The following RANBP17 variants were observed in gnomAD, a reference collection of about 807,000 sequenced individuals.
The protein encoded by RANBP17 is RAN binding protein 17, also known as ran-binding protein 17.
Under a neutral mutation model 141.2 loss-of-function variants are expected in RANBP17, and 158 were observed. The ratio of observed to expected loss-of-function variants is 1.12; its 90% CI spans 0.98 to 1.28. RANBP17 has a LOEUF of 1.28. Among genes scored for constraint, RANBP17 ranks in the 50% most tolerant of loss-of-function variants. The pLI, the probability that RANBP17 is intolerant of heterozygous loss-of-function variation, is 0.00. For synonymous variants in RANBP17, 430 were observed against 450.0 expected (o/e 0.96, Z 0.56); for missense variants, 1,438 against 1,290.7 (o/e 1.11, Z -1.75).
In RANBP17 at chr5:171,205,787, A is replaced by G. The variant is rs1226544809; in HGVS notation, c.2231+175A>G. The G allele has an allele frequency of 5.7e-6, 4 of 698,894 alleles. No individual in the cohort carries two copies. The Admixed American group carries it at 8.0e-5, about 14-fold the overall frequency. The allele number at this position is 698,894 out of a possible 1,614,324, so 43.3% of individuals were successfully genotyped here. On this transcript the variant is annotated intron_variant, in intron 20 of 27. Coordinates refer to ENST00000523189, the MANE Select transcript of RANBP17 (RefSeq NM_022897.5). ...AGCAGAGCAGATAACTGAGCACAGT[A>G]TTTGGAGACCCAGCTCAGAGAAGTC...
In RANBP17 at chr5:170,892,422, A is replaced by T. The variant is rs753607706; in HGVS notation, c.292A>T (p.Lys98Ter). 6.2e-7 allele frequency: 1 copy of T among 1,612,814 alleles called. No homozygotes were observed. The highest frequency in any genetic ancestry group is 8.5e-7 in the Non-Finnish European group (1 of 1,179,710). ...YILNYVASQPKLAPFVIQALI... is the reference protein window; with the variant it reads ...YILNYVASQP ...TCTGAATTACGTGGCATCACAGCCC[A>T]AGCTGGCTCCCTTTGTCATCCAAGC... The change falls in exon 4 of 28, where the codon AAG becomes TAG. Residue 98 changes from lysine to a stop codon, truncating the protein, a stop_gained. Coordinates refer to ENST00000523189, the MANE Select transcript of RANBP17 (RefSeq NM_022897.5). LOFTEE classifies it high-confidence loss of function.
rs542639173 is a variant in RANBP17, at chr5:171,225,262, CAAAACTT to C, written c.2422+3426_2422+3432del. Among the ~76,000 whole-genome samples, 57 of 152,254 alleles carry C rather than the reference CAAAACTT, an allele frequency of 3.7e-4. No homozygotes were observed. In the East Asian group the frequency reaches 9.8e-3, roughly 26 times the overall value. ...CTTTAAAGTATGGTGATTTCTATCTCAAAACTTAAAGGAAATCAAAGTTTCAATGAAA... is the reference window on the plus strand; with the variant it reads ...CTTTAAAGTATGGTGATTTCTATCTCAAAGGAAATCAAAGTTTCAATGAAA... On this transcript the variant is annotated intron_variant, in intron 22 of 27. Coordinates refer to ENST00000523189, the MANE Select transcript of RANBP17 (RefSeq NM_022897.5).
chr5:171,251,004 A>G (rs1271631304), intron 24 of RANBP17, among the ~76,000 whole-genome samples: 1 of 152,238 alleles, frequency 6.6e-6, no homozygotes, highest in Non-Finnish European at 1.5e-5. Context: ...TACAGAATCT[A>G]CTCAACTACA....
At chr5:170,903,840 A>G (rs1770859029) in intron 5 of RANBP17, 5 of 440,726 alleles carry the variant, frequency 1.1e-5, no homozygotes. Flanking sequence ...AAATTTGCTC[A>G]ACCTAACAAG....
chr5:171,012,101 AATACATT>A (rs1780097204), intron 14 of RANBP17, among the ~76,000 whole-genome samples: 2 of 151,694 alleles, frequency 1.3e-5, no homozygotes, highest in South Asian at 4.2e-4. Flanking sequence ...TTAAACAAAT[AATACATT>A]TGTTTAAACA....
intron 25 of RANBP17, among the ~76,000 whole-genome samples, chr5:171,266,556 G>A (rs567212102): frequency 6.6e-6 from 1 of 152,250 alleles, no homozygotes; most frequent in South Asian, 2.1e-4. Flanking sequence ...GCAGAGGCAG[G>A]AGGATTGCTT....
Position 171,133,999 on chromosome 5 carries a change from A to C in RANBP17, c.1711-36131A>C, listed in dbSNP as rs187446684. Among the ~76,000 whole-genome samples, 271 of 152,340 alleles carry C rather than the reference A, an allele frequency of 1.8e-3. 1 individual carries two copies. The highest frequency in any genetic ancestry group is 6.4e-3 in the African/African-American group (265 of 41,584). On this transcript the variant is annotated intron_variant, in intron 14 of 27. Coordinates refer to ENST00000523189, the MANE Select transcript of RANBP17 (RefSeq NM_022897.5). ...TGGTACCATCTAAGATAAATACTTG[A>C]AACATTGATGTTAACCCTACCTCAG...
chr5:171,159,297 A>G (rs1278023168), intron 14 of RANBP17, among the ~76,000 whole-genome samples: 1 of 152,198 alleles, frequency 6.6e-6, no homozygotes, highest in African/African-American at 2.4e-5. Context: ...TGCCAATATC[A>G]TAAGTTTCAT....
intron 14 of RANBP17, among the ~76,000 whole-genome samples, chr5:171,022,423 G>A (rs1561996861): frequency 6.6e-6 from 1 of 152,228 alleles, no homozygotes; most frequent in Non-Finnish European, 1.5e-5. Flanking sequence ...CGCAAAGACT[G>A]TGGCCATCCT....
Position 171,133,373 on chromosome 5 carries a change from TA to T in RANBP17, c.1711-36751del, listed in dbSNP as rs546151828. ...GTTAATTAGCTTTTTAAAGTTTCTA[TA>T]AAAAATGCCAAATAACTTGATACAT... On this transcript the variant is annotated intron_variant, in intron 14 of 27. Transcript: ENST00000523189. Among the ~76,000 whole-genome samples the T allele has an allele frequency of 9.8e-4, 149 of 152,294 alleles. 2 individuals are homozygous for T. The South Asian group carries it at 0.014, about 14-fold the overall frequency.
At chr5:171,139,597 C>G (rs1021077208) in intron 14 of RANBP17, among the ~76,000 whole-genome samples, 3 of 152,116 alleles carry the variant, frequency 2.0e-5, no homozygotes, top group Admixed American at 6.6e-5. Context: ...TACTCTCTAC[C>G]AAGTTCTACT....
At chr5:170,880,337 A>G (rs1469544782) in intron 2 of RANBP17, among the ~76,000 whole-genome samples, 1 of 152,188 alleles carries the variant, frequency 6.6e-6, no homozygotes, top group African/African-American at 2.4e-5. Flanking sequence ...TTTCAAATTG[A>G]CTTTTGATGT....
chr5:171,260,858 A>G (rs895822013), intron 24 of RANBP17, among the ~76,000 whole-genome samples: 11 of 152,130 alleles, frequency 7.2e-5, no homozygotes, highest in African/African-American at 2.7e-4. Flanking sequence ...AAGCCTAAAC[A>G]AGGAAAGGTA....
intron 14 of RANBP17, among the ~76,000 whole-genome samples, chr5:171,063,218 T>G (rs1280678958): frequency 6.6e-6 from 1 of 152,228 alleles, no homozygotes; most frequent in Non-Finnish European, 1.5e-5. Flanking sequence ...TGCTTTCCTT[T>G]GGAGGAGGAG....
intron 18 of RANBP17, among the ~76,000 whole-genome samples, chr5:171,199,312 A>G (rs1025568106): frequency 6.6e-5 from 10 of 152,260 alleles, no homozygotes; most frequent in African/African-American, 2.4e-4. Context: ...GAAGGGGGAA[A>G]AAAAAAACAC....
intron 14 of RANBP17, among the ~76,000 whole-genome samples, chr5:171,056,104 A>C (rs1033011351): frequency 6.6e-6 from 1 of 152,146 alleles, no homozygotes; most frequent in Admixed American, 6.5e-5. Context: ...TGAAAACCAA[A>C]ACAAAGAATT....
At chr5:171,156,780 G>GA (rs893223408) in intron 14 of RANBP17, among the ~76,000 whole-genome samples, 18 of 152,056 alleles carry the variant, frequency 1.2e-4, no homozygotes, top group Non-Finnish European at 2.4e-4. Context: ...CATTTTGTGG[G>GA]AAAAAAAGTC....
At chr5:171,054,322 C>T (rs1438536457) in intron 14 of RANBP17, among the ~76,000 whole-genome samples, 1 of 152,118 alleles carries the variant, frequency 6.6e-6, no homozygotes, top group African/African-American at 2.4e-5. Context: ...TGCGATTACA[C>T]TTATAGTTAT....
At chr5:171,167,401 G>A (rs1037433209) in intron 14 of RANBP17, among the ~76,000 whole-genome samples, 13 of 152,068 alleles carry the variant, frequency 8.5e-5, no homozygotes, top group African/African-American at 2.9e-4. Context: ...TTGATTTTAC[G>A]AAAGTCCACT....
Sources: gnomAD v4.1 joint callset for allele counts (sites outside exome capture counted in the v4.1 genomes callset) on GRCh38, gnomAD v4.1.1 for gene constraint, MANE v1.5 for transcripts, NCBI Gene and HGNC (gene_info 2026-07-23, HGNC 2026-07-21) for gene names.